The following RBFOX1 variants were observed in gnomAD, a reference collection of about 807,000 sequenced individuals.
RBFOX1 encodes RNA binding fox-1 homolog 1.
A neutral mutation model predicts 57.7 loss-of-function variants in RBFOX1; 8 were observed. That is an observed-to-expected ratio of 0.14 (90% CI 0.08 to 0.25). RBFOX1 has a LOEUF of 0.25. Among genes scored for constraint, RBFOX1 ranks in the 10% least tolerant of loss-of-function variants. The probability of loss-of-function intolerance (pLI) is 1.00; values close to 1 mark genes in which losing one functional copy is unlikely to be tolerated. For synonymous variants in RBFOX1, 326 were observed against 222.4 expected (o/e 1.47, Z -4.15); for missense variants, 611 against 548.5 (o/e 1.11, Z -1.14).
chr16:7,391,808 A>G (rs775361601), intron 4 of RBFOX1, among the ~76,000 whole-genome samples: 45 of 151,988 alleles, frequency 3.0e-4, no homozygotes, highest in Middle Eastern at 6.8e-3. Context: ...CGGTGGATGG[A>G]TGGAGAAATG....
intron 4 of RBFOX1, among the ~76,000 whole-genome samples, chr16:7,347,042 C>A (rs538238160): frequency 6.6e-6 from 1 of 152,114 alleles, no homozygotes; most frequent in African/African-American, 2.4e-5. Context: ...TAAGACAGGC[C>A]TAGTGATCTC....
At chr16:6,882,692 C>A (rs1179012795) in intron 3 of RBFOX1, among the ~76,000 whole-genome samples, 2 of 152,232 alleles carry the variant, frequency 1.3e-5, no homozygotes, top group South Asian at 4.2e-4. Flanking sequence ...TGGATAACAA[C>A]CATTCAGTTT....
At chr16:7,340,465 C>T (rs553059617) in intron 4 of RBFOX1, among the ~76,000 whole-genome samples, 7 of 152,296 alleles carry the variant, frequency 4.6e-5, no homozygotes, top group Admixed American at 1.3e-4. Context: ...GTATCTTCTC[C>T]GTTGCACTAA....
rs532284427 is a variant in RBFOX1 at position 7,065,331 on chromosome 16, C to T, written c.27+13233C>T. ...CCGTGTAATCTGCTTTCTTCAGGTG[C>T]ACGTCTCATCTTGAATGCCACCTTT... is the stretch of plus-strand genomic sequence containing the variant. On this transcript the variant is annotated intron_variant, in intron 4 of 15. Transcript: ENST00000550418. Among the ~76,000 whole-genome samples, 4 of 152,158 alleles carry T rather than the reference C, an allele frequency of 2.6e-5. No homozygotes were observed. In the East Asian group the frequency reaches 7.8e-4, roughly 30 times the overall value.
In RBFOX1 at chr16:7,298,123, C is replaced by T. The variant is rs78889110; in HGVS notation, c.28-220024C>T. Among the ~76,000 whole-genome samples the T allele has an allele frequency of 4.4e-3, 673 of 152,158 alleles. 6 individuals are homozygous for T. Among genetic ancestry groups the T allele is most frequent in the African/African-American group, 0.015 (607 of 41,526 alleles). ...TCCAAGGAAAGACACTCAGATGCCC[C>T]GCATTCTTTTTAACTGGTGCATTGC... On this transcript the variant is annotated intron_variant, in intron 4 of 15. Coordinates refer to ENST00000550418, the MANE Select transcript of RBFOX1 (RefSeq NM_018723.4).
At chr16:7,109,905 G>A (rs1013595893) in intron 4 of RBFOX1, among the ~76,000 whole-genome samples, 1 of 152,154 alleles carries the variant, frequency 6.6e-6, no homozygotes, top group African/African-American at 2.4e-5. Context: ...AAGGGAAAGA[G>A]CCCCCTATCA....
At chr16:5,908,338 G>A (rs1352772038) in intron 4 of RBFOX1, among the ~76,000 whole-genome samples, 1 of 130,956 alleles carries the variant, frequency 7.6e-6, no homozygotes, top group African/African-American at 2.6e-5. Flanking sequence ...ATATATGTGT[G>A]TGTGTGTGTG....
At chr16:5,700,477 T>A (rs2051008619) in intron 3 of RBFOX1, among the ~76,000 whole-genome samples, 2 of 152,224 alleles carry the variant, frequency 1.3e-5, no homozygotes, top group South Asian at 4.1e-4. Flanking sequence ...GAAGTCTACG[T>A]GTCTTTCTTT....
chr16:6,093,024 A>G (rs2096198703), intron 1 of RBFOX1: 1 of 152,212 alleles, frequency 6.6e-6, no homozygotes, highest in Middle Eastern at 3.2e-3. Context: ...GATGCAATTT[A>G]CCTGTATGAC....
At chr16:5,401,591 C>G (rs1049754116) in intron 1 of RBFOX1, among the ~76,000 whole-genome samples, 2 of 152,140 alleles carry the variant, frequency 1.3e-5, no homozygotes, top group Non-Finnish European at 2.9e-5. Flanking sequence ...AAAAATGATT[C>G]AAATATTAAT....
chr16:7,696,146 G>A (rs1243617499), intron 14 of RBFOX1, among the ~76,000 whole-genome samples: 1 of 152,186 alleles, frequency 6.6e-6, no homozygotes, highest in Non-Finnish European at 1.5e-5. Flanking sequence ...TTTGTGGTCT[G>A]TGAGACTAAT....
At chr16:7,693,846 C>G (rs534047937) in intron 14 of RBFOX1, among the ~76,000 whole-genome samples, 1 of 152,192 alleles carries the variant, frequency 6.6e-6, no homozygotes, top group Non-Finnish European at 1.5e-5. Flanking sequence ...ATAATTATCT[C>G]TGTCTTATAA....
At chr16:7,678,747 C>T (rs1239425712) in intron 14 of RBFOX1, among the ~76,000 whole-genome samples, 2 of 152,156 alleles carry the variant, frequency 1.3e-5, no homozygotes, top group African/African-American at 2.4e-5. Flanking sequence ...TCCCTACTTG[C>T]ATTCATCTAA....
intron 4 of RBFOX1, among the ~76,000 whole-genome samples, chr16:7,294,137 A>G (rs1321010510): frequency 3.9e-5 from 6 of 152,116 alleles, no homozygotes; most frequent in Non-Finnish European, 7.4e-5. Flanking sequence ...AAACACAGAG[A>G]GTGGGTGGGG....
At chr16:6,705,280 G>A (rs1028728954) in intron 3 of RBFOX1, 2 of 152,068 alleles carry the variant, frequency 1.3e-5, no homozygotes, top group Admixed American at 6.5e-5. Flanking sequence ...ACTGGGCAAA[G>A]GTTTCTCACT....
At chr16:5,771,553 C>G (rs2053977235) in intron 3 of RBFOX1, among the ~76,000 whole-genome samples, 1 of 152,156 alleles carries the variant, frequency 6.6e-6, no homozygotes, top group Non-Finnish European at 1.5e-5. Flanking sequence ...AGATTACAGG[C>G]ATACGCCACC....
chr16:6,509,272 T>C (rs1022552804), intron 2 of RBFOX1, among the ~76,000 whole-genome samples: 2 of 152,198 alleles, frequency 1.3e-5, no homozygotes, highest in Admixed American at 6.5e-5. Context: ...GAGCTCCTTA[T>C]ATATTCTGGT....
chr16:5,441,987 G>A (rs1012403634), intron 1 of RBFOX1, among the ~76,000 whole-genome samples: 4 of 152,188 alleles, frequency 2.6e-5, no homozygotes, highest in African/African-American at 7.2e-5. Context: ...ATATCAATCA[G>A]TAAGACACTA....
At chr16:5,979,966 A>G (rs2060139622) in intron 4 of RBFOX1, among the ~76,000 whole-genome samples, 1 of 152,180 alleles carries the variant, frequency 6.6e-6, no homozygotes, top group Non-Finnish European at 1.5e-5. Context: ...TTGAACCCAG[A>G]CAGTCTGACA....
Sources: gnomAD v4.1 joint callset for allele counts (sites outside exome capture counted in the v4.1 genomes callset) on GRCh38, gnomAD v4.1.1 for gene constraint, MANE v1.5 for transcripts, NCBI Gene and HGNC (gene_info 2026-07-23, HGNC 2026-07-21) for gene names.